PLPP3: variants seen among roughly 807,000 people sequenced by gnomAD.
The protein encoded by PLPP3 is phospholipid phosphatase 3.
Under a neutral mutation model 29.6 loss-of-function variants are expected in PLPP3, and 6 were observed. The ratio of observed to expected loss-of-function variants is 0.20; its 90% CI spans 0.11 to 0.40. The LOEUF (loss-of-function observed/expected upper bound fraction) is 0.40, where lower values mean the gene tolerates loss of function less well. PLPP3 is among the 10% of genes least tolerant of loss of function. PLPP3 has a pLI of 1.00. For synonymous variants in PLPP3, 152 were observed against 159.7 expected, an observed-to-expected ratio of 0.95 and a Z score of 0.36; for missense variants, 308 against 407.7, an observed-to-expected ratio of 0.76 and a Z score of 2.11.
At chr1:56,561,649 G>T (rs1236264854) in intron 1 of PLPP3, among the ~76,000 whole-genome samples, 1 of 151,450 alleles carries the variant, frequency 6.6e-6, no homozygotes, top group African/African-American at 2.4e-5. Context: ...AAATTTTTCA[G>T]CACCTATTAT....
chr1:56,565,821 A>G (rs1569605682), intron 1 of PLPP3, among the ~76,000 whole-genome samples: 1 of 152,224 alleles, frequency 6.6e-6, no homozygotes, highest in African/African-American at 2.4e-5. Context: ...TAGGGTGTCC[A>G]GCCTTTTCAG....
At chr1:56,540,588 G>A (rs1221096119) in intron 1 of PLPP3, among the ~76,000 whole-genome samples, 1 of 152,122 alleles carries the variant, frequency 6.6e-6, no homozygotes, top group Non-Finnish European at 1.5e-5. Context: ...TGTGGATGAA[G>A]ACCACAAACA....
At chr1:56,523,324 TC>T (rs1645831626) in intron 4 of PLPP3, among the ~76,000 whole-genome samples, 1 of 152,204 alleles carries the variant, frequency 6.6e-6, no homozygotes, top group African/African-American at 2.4e-5. Context: ...TGAGCAACAG[TC>T]CTGCTGTTAC....
intron 1 of PLPP3, among the ~76,000 whole-genome samples, chr1:56,558,850 G>T (rs1370023273): frequency 1.3e-5 from 2 of 152,164 alleles, no homozygotes; most frequent in Non-Finnish European, 2.9e-5. Flanking sequence ...ACTCGTGGTG[G>T]TGAATCTCTT....
chr1:56,533,221 A>T (rs1645902618), intron 2 of PLPP3, among the ~76,000 whole-genome samples: 1 of 151,958 alleles, frequency 6.6e-6, no homozygotes, highest in Non-Finnish European at 1.5e-5. Context: ...AGCCCAGCTT[A>T]TTTTTATACT....
Position 56,524,868 on chromosome 1 carries a change from T to C in PLPP3, c.298-314A>G, listed in dbSNP as rs1645843351. Among the ~76,000 whole-genome samples the C allele has an allele frequency of 6.6e-6, 1 of 151,930 alleles. No homozygotes were observed. The highest frequency in any genetic ancestry group is 2.4e-5 in the African/African-American group (1 of 41,330). On this transcript the variant is annotated intron_variant, in intron 2 of 5. Transcript: ENST00000371250. The surrounding 1 kb of genome is among the most constrained non-coding windows in gnomAD (Gnocchi z 4.3). ...TTTAAGGGAGAGACAAGAACTTAAC[T>C]ATAGAAAAGAAATACTAAATGAAGA...
At chr1:56,567,400 TTTTTTTTTTTTTTTTGAGATG>T (rs1022533923) in intron 1 of PLPP3, among the ~76,000 whole-genome samples, 117 of 108,786 alleles carry the variant, frequency 1.1e-3, no homozygotes, top group Non-Finnish European at 2.0e-3. Flanking sequence ...TTTCTTTTTT[TTTTTTTTTTTTTTTTGAGATG>T]GAGTCTCGCT....
At chr1:56,499,583 G>GTCT (rs1645652867) in intron 5 of PLPP3, among the ~76,000 whole-genome samples, 1 of 152,130 alleles carries the variant, frequency 6.6e-6, no homozygotes, top group Admixed American at 6.5e-5. Flanking sequence ...GACTTGAGGG[G>GTCT]GAACCACATA....
intron 1 of PLPP3, among the ~76,000 whole-genome samples, chr1:56,565,040 G>A (rs1180884352): frequency 6.6e-6 from 1 of 152,200 alleles, no homozygotes; most frequent in Non-Finnish European, 1.5e-5. Flanking sequence ...ATGTAACAAT[G>A]AGAAATAATG....
chr1:56,523,168 C>T (rs1033932820), intron 4 of PLPP3, among the ~76,000 whole-genome samples: 6 of 152,096 alleles, frequency 3.9e-5, no homozygotes, highest in Admixed American at 1.3e-4. Flanking sequence ...TGAAGTCATG[C>T]GTCCTCATGG....
chr1:56,555,464 A>AAAACAAAC (rs1553139196), intron 1 of PLPP3, among the ~76,000 whole-genome samples: 3 of 149,454 alleles, frequency 2.0e-5, no homozygotes, highest in Non-Finnish European at 4.5e-5. Context: ...AAAAAAACAA[A>AAAACAAAC]AAACAAACAA....
At chr1:56,547,110 T>G (rs963511520) in intron 1 of PLPP3, among the ~76,000 whole-genome samples, 16 of 152,204 alleles carry the variant, frequency 1.1e-4, no homozygotes, top group African/African-American at 3.9e-4. Flanking sequence ...GTAAGAGATC[T>G]TAATGTCATT....
chr1:56,561,140 C>A (rs1646125321), intron 1 of PLPP3, among the ~76,000 whole-genome samples: 1 of 151,994 alleles, frequency 6.6e-6, no homozygotes, highest in Non-Finnish European at 1.5e-5. Context: ...AGCCACTGCA[C>A]CCGGCCCAGA....
chr1:56,571,579 T>C (rs1646199033), intron 1 of PLPP3, among the ~76,000 whole-genome samples: 1 of 152,182 alleles, frequency 6.6e-6, no homozygotes, highest in African/African-American at 2.4e-5. Context: ...ATTCCATGAA[T>C]CTAGGCAATG....
intron 1 of PLPP3, among the ~76,000 whole-genome samples, chr1:56,568,152 T>C (rs1646174133): frequency 6.6e-6 from 1 of 151,908 alleles, no homozygotes; most frequent in Non-Finnish European, 1.5e-5. Flanking sequence ...GGAGGAAAAA[T>C]GGGGAGTGAC....
intron 1 of PLPP3, among the ~76,000 whole-genome samples, chr1:56,540,131 T>C (rs1162560124): frequency 6.6e-6 from 1 of 152,180 alleles, no homozygotes; most frequent in Non-Finnish European, 1.5e-5. Context: ...TTGAGTAAGT[T>C]ATTTCACATC....
chr1:56,510,474 G>A (rs911868787), intron 5 of PLPP3, among the ~76,000 whole-genome samples: 1 of 152,252 alleles, frequency 6.6e-6, no homozygotes, highest in Admixed American at 6.5e-5. Context: ...TGCTTTCTTC[G>A]TGGTGCCCAC....
At chr1:56,569,185 G>GT (rs1557517082) in intron 1 of PLPP3, among the ~76,000 whole-genome samples, 1 of 151,252 alleles carries the variant, frequency 6.6e-6, no homozygotes, top group South Asian at 2.1e-4. Flanking sequence ...TTTTGTTTTT[G>GT]TTTTTTTGAG....
At chr1:56,561,505 G>C (rs1646127979) in intron 1 of PLPP3, among the ~76,000 whole-genome samples, 1 of 152,082 alleles carries the variant, frequency 6.6e-6, no homozygotes, top group South Asian at 2.1e-4. Context: ...TAATAATTCA[G>C]CTATTTATAG....
Sources: allele counts gnomAD v4.1 joint callset (sites outside exome capture counted in the v4.1 genomes callset), GRCh38; gene constraint gnomAD v4.1.1; non-coding constraint Gnocchi (gnomAD v3.1); transcripts MANE v1.5; gene names NCBI Gene and HGNC (gene_info 2026-07-23, HGNC 2026-07-21).